Variants in CSPP1 observed in about 807,000 individuals in gnomAD.
CSPP1 encodes centrosome and spindle pole-associated protein 1.
A neutral mutation model predicts 164.4 loss-of-function variants in CSPP1; 126 were observed. That is an observed-to-expected ratio of 0.77 (90% CI 0.66 to 0.89). The LOEUF (loss-of-function observed/expected upper bound fraction) is 0.89, where lower values mean the gene tolerates loss of function less well. Ranked by LOEUF, CSPP1 falls within the 40% of genes least tolerant of loss-of-function variation. CSPP1 has a pLI of 0.00. For missense variants in CSPP1, 1,395 were observed against 1,449.8 expected, an observed-to-expected ratio of 0.96 and a Z score of 0.61; for synonymous variants, 472 against 476.7, an observed-to-expected ratio of 0.99 and a Z score of 0.13.
intron 24 of CSPP1, among the ~76,000 whole-genome samples, chr8:67,170,127 C>G (rs1830186277): frequency 1.3e-5 from 2 of 151,922 alleles, no homozygotes; most frequent in South Asian, 4.2e-4. Context: ...AGGTACTATA[C>G]TAGGTACTTA....
At chr8:67,166,485 C>T (rs1368777949) in intron 24 of CSPP1, among the ~76,000 whole-genome samples, 1 of 152,012 alleles carries the variant, frequency 6.6e-6, no homozygotes, top group Non-Finnish European at 1.5e-5. Flanking sequence ...TTGTATTCTC[C>T]AGGAATATTG....
chr8:67,189,980 A>G (rs1440350444), intron 28 of CSPP1, among the ~76,000 whole-genome samples: 3 of 152,192 alleles, frequency 2.0e-5, no homozygotes, highest in East Asian at 3.8e-4. Flanking sequence ...GATGTGGGGA[A>G]ATTGGAACCC....
chr8:67,161,744 T>A, intron 21 of CSPP1, 67 bp from the exon 22 acceptor site: 1 of 785,444 alleles, frequency 1.3e-6, no homozygotes, highest in Non-Finnish European at 2.2e-6. Context: ...AAGGGGTGTG[T>A]GTGTGTGTAT....
At chr8:67,132,168 A>G (rs894351249) in intron 16 of CSPP1, 88 bp downstream of exon 16, 61 of 1,253,106 alleles carry the variant, frequency 4.9e-5, no homozygotes, top group African/African-American at 9.1e-5. Flanking sequence ...CGGGGAGGGG[A>G]AAAAAAACAG....
intron 9 of CSPP1, among the ~76,000 whole-genome samples, chr8:67,107,821 G>A (rs1388570698): frequency 6.6e-6 from 1 of 152,146 alleles, no homozygotes; most frequent in Non-Finnish European, 1.5e-5. Flanking sequence ...GGGTTTATAA[G>A]AGAACCATAG....
At chr8:67,145,608 C>T (rs1376261458) in intron 17 of CSPP1, among the ~76,000 whole-genome samples, 2 of 151,826 alleles carry the variant, frequency 1.3e-5, no homozygotes. Flanking sequence ...ACTGCAACCT[C>T]CGCCTCCCGG....
chr8:67,141,795 A>G (rs1474703262), intron 17 of CSPP1, among the ~76,000 whole-genome samples: 2 of 152,244 alleles, frequency 1.3e-5, no homozygotes, highest in Non-Finnish European at 2.9e-5. Flanking sequence ...GATTACAGAC[A>G]TGAGCGACTG....
intron 3 of CSPP1, chr8:67,081,144 G>T (rs1207724082): frequency 6.6e-6 from 1 of 152,094 alleles, no homozygotes; most frequent in Non-Finnish European, 1.5e-5. Flanking sequence ...TGTTAGGTAT[G>T]GTCCAAGGTA....
intron 25 of CSPP1, chr8:67,174,520 T>C (rs1303962057): frequency 6.6e-6 from 1 of 152,184 alleles, no homozygotes; most frequent in Non-Finnish European, 1.5e-5. Context: ...CCCAGCACTT[T>C]GAGAGGCCGA....
chr8:67,086,863 T>C, intron 4 of CSPP1: 2 of 1,333,310 alleles, frequency 1.5e-6, no homozygotes, highest in South Asian at 1.2e-5. Context: ...TTGTCTGCAA[T>C]ACGTCCTCCT....
chr8:67,089,515 G>A (rs939511536), intron 4 of CSPP1, among the ~76,000 whole-genome samples: 5 of 152,184 alleles, frequency 3.3e-5, no homozygotes, highest in South Asian at 4.2e-4. Flanking sequence ...TGCACTATCC[G>A]TAGCCTGTCC....
intron 1 of CSPP1, among the ~76,000 whole-genome samples, chr8:67,068,750 T>C (rs2129539750): frequency 6.6e-6 from 1 of 152,374 alleles, no homozygotes; most frequent in South Asian, 2.1e-4. Flanking sequence ...TGTTTTTCTG[T>C]TGAAGATAAA....
At chr8:67,080,479 C>G (rs187236207) in intron 3 of CSPP1, among the ~76,000 whole-genome samples, 31 of 152,286 alleles carry the variant, frequency 2.0e-4, no homozygotes, top group Non-Finnish European at 4.3e-4. Flanking sequence ...TTTGAGGTAG[C>G]GTTACAGTGA....
At chr8:67,118,992 T>A (rs1396898085) in intron 15 of CSPP1, among the ~76,000 whole-genome samples, 171 bp downstream of exon 15, 1 of 152,148 alleles carries the variant, frequency 6.6e-6, no homozygotes, top group Non-Finnish European at 1.5e-5. Context: ...TTTCATCTTG[T>A]AAACTGAAAC....
At chr8:67,111,916 TA>T in intron 9 of CSPP1, 55 bp from the exon 10 acceptor site, 1 of 1,068,390 alleles carries the variant, frequency 9.4e-7, no homozygotes, top group Non-Finnish European at 1.4e-6. Flanking sequence ...CTTAACTTTC[TA>T]ATTGCATACG....
rs143254180 is a variant in CSPP1 at position 67,126,985 on chromosome 8, A to G, written c.1698-4966A>G. Among the ~76,000 whole-genome samples the G allele has an allele frequency of 5.1e-3, 773 of 152,076 alleles. 21 individuals carry two copies. In the East Asian group the frequency reaches 0.092, roughly 18 times the overall value. ...TTTCTAGAGATTGGATTTTTGGGGAATTCCAGACCTATTCTACCTGTCCAG... is the reference window on the plus strand; with the variant it reads ...TTTCTAGAGATTGGATTTTTGGGGAGTTCCAGACCTATTCTACCTGTCCAG... On this transcript the variant is annotated intron_variant, in intron 15 of 30. Transcript: ENST00000678616.
In CSPP1 at chr8:67,115,914, C is replaced by A. The variant is rs1189471312; in HGVS notation, c.1288C>A (p.Pro430Thr). The change falls in exon 13 of 31, where the codon CCT (proline) becomes ACT (threonine). Residue 430 changes from proline to threonine, a missense_variant and splice_region_variant. Transcript: ENST00000678616. ...LTSLQLSKEE[P>T]DRLKQFSVAP... ...AACAGATTTTTTTTCTTTATTTTAG[C>A]CTGATAGACTAAAGCAGTTTAGTGT... is the stretch of plus-strand genomic sequence containing the variant. 1.2e-6 allele frequency: 2 copies of A among 1,610,714 alleles called. No homozygotes were observed. The highest frequency in any genetic ancestry group is 1.7e-6 in the Non-Finnish European group (2 of 1,177,198).
chr8:67,168,882 T>C (rs191516581), intron 24 of CSPP1, among the ~76,000 whole-genome samples: 3 of 152,318 alleles, frequency 2.0e-5, no homozygotes, highest in Admixed American at 2.0e-4. Context: ...GCAGTCCAAT[T>C]TAATGGTCTC....
intron 15 of CSPP1, among the ~76,000 whole-genome samples, chr8:67,128,274 C>A (rs1204156150): frequency 6.6e-6 from 1 of 151,954 alleles, no homozygotes; most frequent in African/African-American, 2.4e-5. Context: ...TGCAGTGGCT[C>A]ACTCTTGTAA....
Sources: gnomAD v4.1 joint callset for allele counts (sites outside exome capture counted in the v4.1 genomes callset) on GRCh38, gnomAD v4.1.1 for gene constraint, MANE v1.5 for transcripts, NCBI Gene and HGNC (gene_info 2026-07-23, HGNC 2026-07-21) for gene names.